The following IMPDH1 variants were observed in gnomAD, a reference collection of about 807,000 sequenced individuals.
The protein encoded by IMPDH1 is inosine monophosphate dehydrogenase 1, also known as inosine-5'-monophosphate dehydrogenase 1.
A neutral mutation model predicts 73.5 loss-of-function variants in IMPDH1; 41 were observed. That is an observed-to-expected ratio of 0.56 (90% CI 0.43 to 0.72). The LOEUF (loss-of-function observed/expected upper bound fraction) is 0.72. IMPDH1 is among the 30% of genes least tolerant of loss of function. The probability of loss-of-function intolerance (pLI) is 0.00; values close to 1 mark genes in which losing one functional copy is unlikely to be tolerated. For missense variants in IMPDH1, 645 were observed against 824.8 expected (o/e 0.78, Z 2.67); for synonymous variants, 318 against 334.3 (o/e 0.95, Z 0.53).
At chr7:128,406,534 C>T (rs1441837947) in intron 3 of IMPDH1, among the ~76,000 whole-genome samples, 1 of 151,980 alleles carries the variant, frequency 6.6e-6, no homozygotes, top group African/African-American at 2.4e-5. Flanking sequence ...AGGGAGCCGG[C>T]ATTCTTCATA....
In IMPDH1 at chr7:128,393,026, T is replaced by G. The variant is rs773844955; in HGVS notation, c.1781A>C (p.Tyr594Ser). The change falls in exon 17 of 17, where the codon TAC (tyrosine) becomes TCC (serine). Residue 594 changes from tyrosine (Y) to serine (S), a missense_variant and splice_region_variant. Transcript: ENST00000338791. Reference protein sequence around the residue: ...IEGGVHGLHSYEKRLY With the variant: ...IEGGVHGLHSSEKRLY Reference sequence around the variant, plus strand: ...CTGTCCTCAGTACAGCCGCTTTTCGTAACTGTGGGGACAAGGCAAGAGGGG... The same window carrying G: ...CTGTCCTCAGTACAGCCGCTTTTCGGAACTGTGGGGACAAGGCAAGAGGGG... The G allele has an allele frequency of 6.2e-7, 1 of 1,613,822 alleles. No homozygotes were observed. The highest frequency in any genetic ancestry group is 8.5e-7 in the Non-Finnish European group (1 of 1,179,818).
At chr7:128,401,698 G>A (rs994504428) in intron 5 of IMPDH1, among the ~76,000 whole-genome samples, 6 of 152,208 alleles carry the variant, frequency 3.9e-5, no homozygotes, top group African/African-American at 1.4e-4. Flanking sequence ...GCTCCAAGGT[G>A]GAGAATGGAT....
chr7:128,395,732 G>A (rs1584718349), intron 12 of IMPDH1, among the ~76,000 whole-genome samples: 5 of 152,278 alleles, frequency 3.3e-5, no homozygotes, highest in South Asian at 4.1e-4. Flanking sequence ...AACCACACCT[G>A]TCTAGGGACG....
intron 16 of IMPDH1, among the ~76,000 whole-genome samples, chr7:128,393,243 G>A (rs780221880): frequency 6.6e-6 from 1 of 152,248 alleles, no homozygotes; most frequent in Admixed American, 6.5e-5. Flanking sequence ...GCTGGGTGCA[G>A]AGATGGCCAT....
chr7:128,404,237 A>G (rs1010986189), intron 4 of IMPDH1, among the ~76,000 whole-genome samples: 13 of 152,206 alleles, frequency 8.5e-5, no homozygotes, highest in Admixed American at 7.2e-4. Context: ...TGGGCTGCTG[A>G]GTCACACAGG....
chr7:128,394,447 A>G lies in IMPDH1; in HGVS notation c.1694+9T>C, dbSNP rs377662306. 3.7e-6 allele frequency: 6 copies of G among 1,613,952 alleles called. No homozygotes were observed. In the African/African-American group the frequency reaches 8.0e-5, roughly 22 times the overall value. On this transcript the variant is annotated intron_variant, in intron 15 of 16. Coordinates refer to ENST00000338791, the MANE Select transcript of IMPDH1 (RefSeq NM_000883.4). This position sits in a 1 kb window ranked among gnomAD's most constrained non-coding sequence, Gnocchi z 5.5. The stretch of plus-strand genomic sequence containing the variant: ...GGAAGCAGGAGCCACCCCCAGTCTC[A>G]GCACTCACCGAAGGACAGACAGGCT...
In IMPDH1 at chr7:128,398,449, G is replaced by C. The variant is rs1475306172; in HGVS notation, c.1039C>G (p.Leu347Val). ...ACGTCGACGCCCGCCTGGGTGAGCA[G>C]GTCCAGACGGTATTTGTCATCCTCA... ...TREDDKYRLD[L>V]LTQAGVDVIV... The change falls in exon 10 of 17, where the codon CTG becomes GTG. Residue 347 changes from leucine (L) to valine (V), a missense_variant. Leu to Val is a conservative substitution (Grantham distance 32). This residue lies in a region of IMPDH1 where 459 missense variants were observed against 638.2 expected (regional missense o/e 0.72). Coordinates refer to ENST00000338791, the MANE Select transcript of IMPDH1 (RefSeq NM_000883.4). This position sits in a 1 kb window ranked among gnomAD's most constrained non-coding sequence, Gnocchi z 4.3. 2 of 1,613,544 alleles carry C rather than the reference G, an allele frequency of 1.2e-6. No individual in the cohort carries two copies. The highest frequency in any genetic ancestry group is 3.3e-5 in the Admixed American group (2 of 60,022).
chr7:128,401,200 G>C, intron 5 of IMPDH1, 84 bp from the exon 6 acceptor site: 1 of 976,938 alleles, frequency 1.0e-6, no homozygotes, highest in African/African-American at 1.6e-5. Flanking sequence ...ACCGGCACCA[G>C]GACAGGCCCT....
At position 128,396,822 on chromosome 7, in the gene IMPDH1, C is replaced by A; in HGVS notation, c.1165+110G>T. ...CAGTGACCAAAGCCCATCATGCTCC[C>A]TGCCACCCATGCCAGGAGCCATACC... On this transcript the variant is annotated intron_variant, in intron 11 of 16. Coordinates refer to ENST00000338791, the MANE Select transcript of IMPDH1 (RefSeq NM_000883.4). The surrounding 1 kb of genome is among the most constrained non-coding windows in gnomAD (Gnocchi z 4.0). 8.7e-7 allele frequency: 1 copy of A among 1,145,548 alleles called. No homozygotes were observed. Among genetic ancestry groups the A allele is most frequent in the East Asian group, 2.5e-5 (1 of 40,272 alleles). 71.0% of individuals were successfully genotyped at this position (1,145,548 alleles called of 1,614,324 possible). A position where few individuals can be genotyped will look rare whatever the true frequency, so the allele number is the denominator to read the frequency against.
Position 128,394,858 on chromosome 7 carries a change from T to A in IMPDH1, c.1550+31A>T. 6.2e-7 allele frequency: 1 copy of A among 1,610,196 alleles called. No homozygotes were observed. Among genetic ancestry groups the A allele is most frequent in the African/African-American group, 1.3e-5 (1 of 74,964 alleles). ...CGGGCCCTGAAGGGTTGTGGGCTGA[T>A]CTGCCCAGGTGGGGCCCAGGGTCAG... On this transcript the variant is annotated intron_variant, in intron 14 of 16. Transcript: ENST00000338791. The surrounding 1 kb of genome is among the most constrained non-coding windows in gnomAD (Gnocchi z 5.5).
At chr7:128,409,126 G>C (rs1021379752) in intron 3 of IMPDH1, among the ~76,000 whole-genome samples, 163 bp downstream of exon 3, 1 of 152,220 alleles carries the variant, frequency 6.6e-6, no homozygotes, top group East Asian at 1.9e-4. Flanking sequence ...TTTTCAGCCA[G>C]TCCCCCTGGG....
intron 12 of IMPDH1, among the ~76,000 whole-genome samples, chr7:128,395,882 C>A (rs1027702623): frequency 6.6e-6 from 1 of 152,244 alleles, no homozygotes; most frequent in Non-Finnish European, 1.5e-5. Flanking sequence ...CCTCATTTCA[C>A]CATGGTGGCC....
intron 4 of IMPDH1, among the ~76,000 whole-genome samples, chr7:128,405,317 G>A (rs1445009860): frequency 6.6e-6 from 1 of 152,184 alleles, no homozygotes; most frequent in Admixed American, 6.5e-5. Flanking sequence ...TAGACAGTTG[G>A]AAAAGAAGCC....
At position 128,403,157 on chromosome 7, in the gene IMPDH1, C is replaced by A. The variant is rs573804527; in HGVS notation, c.402+549G>T. 1.1e-4 allele frequency among the ~76,000 whole-genome samples: 16 copies of A among 152,314 alleles called. No homozygotes were observed. The South Asian group carries it at 3.3e-3, about 32-fold the overall frequency. ...CTGTCACTGACAGAGAGCCACCCAG[C>A]CCTGGGCCAGGCCTCACTCAGGACA... On this transcript the variant is annotated intron_variant, in intron 5 of 16. Transcript: ENST00000338791.
intron 4 of IMPDH1, among the ~76,000 whole-genome samples, chr7:128,405,395 G>A (rs1431241353): frequency 3.3e-5 from 5 of 152,220 alleles, no homozygotes; most frequent in Admixed American, 3.3e-4. Context: ...TGGCTCCGGG[G>A]ACCCTCTGCC....
intron 4 of IMPDH1, among the ~76,000 whole-genome samples, 180 bp downstream of exon 4, chr7:128,405,587 C>A (rs1798664440): frequency 6.6e-6 from 1 of 152,170 alleles, no homozygotes; most frequent in Admixed American, 6.5e-5. Flanking sequence ...CGCGGTGTCG[C>A]CGTGCCACGT....
chr7:128,395,902 G>A (rs1413730665), intron 12 of IMPDH1, among the ~76,000 whole-genome samples: 4 of 152,260 alleles, frequency 2.6e-5, no homozygotes, highest in Non-Finnish European at 5.9e-5. Flanking sequence ...CACCTAAGGC[G>A]AAGGGCACAA....
chr7:128,395,040 T>C lies in IMPDH1; in HGVS notation c.1406-7A>G, dbSNP rs943850900. 1.2e-6 allele frequency: 2 copies of C among 1,613,680 alleles called. No individual in the cohort carries two copies. Among genetic ancestry groups the C allele is most frequent in the African/African-American group, 2.7e-5 (2 of 74,878 alleles). On this transcript the variant is annotated splice_polypyrimidine_tract_variant and splice_region_variant and intron_variant, in intron 13 of 16. Coordinates refer to ENST00000338791, the MANE Select transcript of IMPDH1 (RefSeq NM_000883.4). ...AGCAGGGAGCCCATCATCACTACAG[T>C]GGGCAAGGGATTAGTGCCTCCAGCC...
chr7:128,405,866 C>T lies in IMPDH1; in HGVS notation c.255-1G>A. 1 of 1,523,762 alleles carries T rather than the reference C, an allele frequency of 6.6e-7. No individual in the cohort carries two copies. Among genetic ancestry groups the T allele is most frequent in the Non-Finnish European group, 8.8e-7 (1 of 1,137,298 alleles). 94.4% of individuals were successfully genotyped at this position (1,523,762 alleles called of 1,614,324 possible). A position where few individuals can be genotyped will look rare whatever the true frequency, so the allele number is the denominator to read the frequency against. ...GCCGCTGATCAGGTAGTCCGCCATG[C>T]TGCCGCGAGACCCCGCGACCCGACA... is the stretch of plus-strand genomic sequence containing the variant. On this transcript the variant is annotated splice_acceptor_variant, in intron 3 of 16. Coordinates refer to ENST00000338791, the MANE Select transcript of IMPDH1 (RefSeq NM_000883.4). LOFTEE classifies it high-confidence loss of function.
Sources: allele counts gnomAD v4.1 joint callset (sites outside exome capture counted in the v4.1 genomes callset), GRCh38; gene constraint gnomAD v4.1.1; regional missense constraint gnomAD v4.1.1; non-coding constraint Gnocchi (gnomAD v3.1); transcripts MANE v1.5; gene names NCBI Gene and HGNC (gene_info 2026-07-23, HGNC 2026-07-21).